COBL: variants seen among roughly 807,000 people sequenced by gnomAD.
COBL encodes protein cordon-bleu.
COBL carries 51 observed loss-of-function variants against 98.8 expected under a neutral mutation model. The ratio of observed to expected loss-of-function variants is 0.52; its 90% CI spans 0.41 to 0.65. COBL has a LOEUF of 0.65. COBL is among the 30% of genes least tolerant of loss of function. The pLI is 0.00. For missense variants in COBL, 1,617 were observed against 1,617.5 expected (o/e 1.00, Z 0.01); for synonymous variants, 634 against 651.7 (o/e 0.97, Z 0.41).
At chr7:51,040,708 C>A (rs1039170583) in intron 8 of COBL, among the ~76,000 whole-genome samples, 2 of 152,166 alleles carry the variant, frequency 1.3e-5, no homozygotes, top group Non-Finnish European at 2.9e-5. Flanking sequence ...AACTCCCTCC[C>A]TCCCCACCAC....
At chr7:51,188,035 C>A in intron 4 of COBL, 1 of 1,150,466 alleles carries the variant, frequency 8.7e-7, no homozygotes, top group African/African-American at 1.6e-5. Flanking sequence ...CCTTGGCCCT[C>A]ACAAGCCTCA....
chr7:51,315,567 AC>A, intron 1 of COBL, among the ~76,000 whole-genome samples: 1 of 150,966 alleles, frequency 6.6e-6, no homozygotes, highest in Admixed American at 6.6e-5. Context: ...TGCAGGGCTC[AC>A]CCCAACCCTC....
chr7:51,113,236 C>T (rs1796991315), intron 6 of COBL, among the ~76,000 whole-genome samples: 1 of 152,140 alleles, frequency 6.6e-6, no homozygotes, highest in Admixed American at 6.5e-5. Flanking sequence ...GTGTCAAGTG[C>T]AAAGGTGCAA....
chr7:51,129,342 C>G (rs890897911), intron 6 of COBL, among the ~76,000 whole-genome samples: 5 of 151,672 alleles, frequency 3.3e-5, no homozygotes, highest in African/African-American at 1.2e-4. Flanking sequence ...TCTCTGGGCT[C>G]TCTTTTATAA....
At chr7:51,086,435 G>A (rs937452475) in intron 6 of COBL, among the ~76,000 whole-genome samples, 1 of 150,102 alleles carries the variant, frequency 6.7e-6, no homozygotes, top group African/African-American at 2.5e-5. Context: ...CTCTCTAGTA[G>A]CTCAGAGCCA....
intron 1 of COBL, among the ~76,000 whole-genome samples, chr7:51,260,730 C>T (rs1440283737): frequency 6.6e-6 from 1 of 152,124 alleles, no homozygotes; most frequent in Non-Finnish European, 1.5e-5. Context: ...GAACTGGGAT[C>T]GCAGGTAAGC....
At position 51,073,148 on chromosome 7, in the gene COBL, C is replaced by T. The variant is rs556572968; in HGVS notation, c.1096+12018G>A. The T allele has an allele frequency of 1.5e-4, 60 of 396,428 alleles. No individual in the cohort carries two copies. The Middle Eastern group carries it at 4.7e-3, about 31-fold the overall frequency. The allele number at this position is 396,428 out of a possible 1,614,324, so 24.6% of individuals were successfully genotyped here. ...AACCTAAAATTTGCATATAATTTAC[C>T]TCCTTCAAAAAAATATAAACCTCAA... On this transcript the variant is annotated intron_variant, in intron 7 of 12. Transcript: ENST00000265136.
At chr7:51,266,656 G>C (rs998271675) in intron 1 of COBL, among the ~76,000 whole-genome samples, 29 of 152,170 alleles carry the variant, frequency 1.9e-4, no homozygotes, top group African/African-American at 6.8e-4. Flanking sequence ...GCTGCTGCTT[G>C]CAAGTACTTC....
At chr7:51,100,973 A>G (rs1795757641) in intron 6 of COBL, among the ~76,000 whole-genome samples, 1 of 152,102 alleles carries the variant, frequency 6.6e-6, no homozygotes, top group Admixed American at 6.5e-5. Flanking sequence ...TTGTTTACCC[A>G]ACTTGAAAAA....
rs914089409 is a variant in COBL at position 51,025,053 on chromosome 7, C to T, written c.3768+56G>A. 3.5e-5 allele frequency: 56 copies of T among 1,609,108 alleles called. No homozygotes were observed. The African/African-American group carries it at 5.2e-4, about 15-fold the overall frequency. ...ACAGGCAAGCGTGTCCCTGGATCTA[C>T]GCTGCACCTCCAACCCTCTGGCCCC... On this transcript the variant is annotated intron_variant, in intron 12 of 12. Coordinates refer to ENST00000265136, the MANE Select transcript of COBL (RefSeq NM_015198.5).
At chr7:51,303,892 G>A (rs11979042) in intron 1 of COBL, among the ~76,000 whole-genome samples, 56,116 of 152,072 alleles carry the variant, frequency 0.37, 10,865 homozygotes, top group Non-Finnish European at 0.43. Context: ...CTGCAGAGCC[G>A]CCGACAGAAC....
intron 2 of COBL, among the ~76,000 whole-genome samples, chr7:51,194,280 C>T (rs1172738832): frequency 3.3e-5 from 5 of 152,098 alleles, no homozygotes; most frequent in African/African-American, 1.2e-4. Context: ...TTACAAAGGA[C>T]ATGATCTTGT....
intron 6 of COBL, among the ~76,000 whole-genome samples, chr7:51,097,286 A>G (rs1462949779): frequency 6.6e-6 from 1 of 152,196 alleles, no homozygotes; most frequent in African/African-American, 2.4e-5. Flanking sequence ...ACTAGGAATC[A>G]AAGGAAATTA....
chr7:51,113,997 C>T (rs1291518622), intron 6 of COBL, among the ~76,000 whole-genome samples: 2 of 152,150 alleles, frequency 1.3e-5, no homozygotes, highest in Non-Finnish European at 2.9e-5. Flanking sequence ...TAGGTTATTC[C>T]GTGTGATCCT....
At chr7:51,247,163 G>A (rs929988991) in intron 1 of COBL, among the ~76,000 whole-genome samples, 13 of 152,248 alleles carry the variant, frequency 8.5e-5, no homozygotes, top group African/African-American at 2.9e-4. Context: ...TAAGTCACAG[G>A]CTTGCACCTT....
rs1787731993 is a variant in COBL, at chr7:51,027,906, G to A, written c.3190C>T (p.Leu1064=). The A allele has an allele frequency of 6.2e-7, 1 of 1,614,148 alleles. No individual in the cohort carries two copies. ...GGSGTESHIL[L]EREEKPSVFS... is the part of the protein sequence containing the mutation. ...ACACTGGGCTTTTCCTCTCTTTCTAGGAGAATGTGGCTTTCTGTGCCAGAC... is the reference window on the plus strand; with the variant it reads ...ACACTGGGCTTTTCCTCTCTTTCTAAGAGAATGTGGCTTTCTGTGCCAGAC... The change falls in exon 10 of 13, where the codon CTA becomes TTA. Residue 1064 remains leucine (L), a synonymous_variant. Coordinates refer to ENST00000265136, the MANE Select transcript of COBL (RefSeq NM_015198.5).
At chr7:51,124,192 T>C (rs1797996172) in intron 6 of COBL, among the ~76,000 whole-genome samples, 2 of 152,236 alleles carry the variant, frequency 1.3e-5, no homozygotes, top group Non-Finnish European at 2.9e-5. Flanking sequence ...GCTATTGTGC[T>C]TAACTTGGGA....
rs548780960 is a variant in COBL, at chr7:51,127,998, A to G, written c.957+8160T>C. 8.5e-5 allele frequency among the ~76,000 whole-genome samples: 13 copies of G among 152,354 alleles called. No homozygotes were observed. In the East Asian group the frequency reaches 2.5e-3, roughly 29 times the overall value. ...GAGGAAGTGGGAAAACTTCTGCCACATCTGAAAGAAAGTCTTGGCAGCTAG... is the reference window on the plus strand; with the variant it reads ...GAGGAAGTGGGAAAACTTCTGCCACGTCTGAAAGAAAGTCTTGGCAGCTAG... On this transcript the variant is annotated intron_variant, in intron 6 of 12. Coordinates refer to ENST00000265136, the MANE Select transcript of COBL (RefSeq NM_015198.5).
Position 51,028,850 on chromosome 7 carries a change from A to T in COBL, c.2246T>A (p.Ile749Asn). 1 of 1,614,180 alleles carries T rather than the reference A, an allele frequency of 6.2e-7. No individual in the cohort carries two copies. Among genetic ancestry groups the T allele is most frequent in the Non-Finnish European group, 8.5e-7 (1 of 1,180,034 alleles). The change falls in exon 10 of 13, where the codon ATC (isoleucine) becomes AAC (asparagine). Residue 749 changes from isoleucine (I) to asparagine (N), a missense_variant. Transcript: ENST00000265136. ...AGGCACAGACGAAGACAGGGAAATG[A>T]TCCTGATGCCGGTGGCGTGAGGACT... The part of the protein sequence containing the change: ...LVSPHATGIR[I>N]ISLSSSVPEA...
Sources: gnomAD v4.1 joint callset for allele counts (sites outside exome capture counted in the v4.1 genomes callset) on GRCh38, gnomAD v4.1.1 for gene constraint, MANE v1.5 for transcripts, NCBI Gene and HGNC (gene_info 2026-07-23, HGNC 2026-07-21) for gene names.